Variants in VPS4B observed in about 807,000 individuals in gnomAD.
VPS4B encodes vacuolar protein sorting 4 homolog B.
Under a neutral mutation model 56.1 loss-of-function variants are expected in VPS4B, and 23 were observed. The observed-to-expected ratio is 0.41, with a 90% CI of 0.30 to 0.58. VPS4B has a LOEUF of 0.58. VPS4B is among the 20% of genes least tolerant of loss of function. VPS4B has a pLI of 0.29. For missense variants in VPS4B, 372 were observed against 531.9 expected, an observed-to-expected ratio of 0.70 and a Z score of 2.96; for synonymous variants, 177 against 186.0, an observed-to-expected ratio of 0.95 and a Z score of 0.39.
At chr18:63,418,653 G>A (rs897931082) in intron 1 of VPS4B, among the ~76,000 whole-genome samples, 5 of 152,118 alleles carry the variant, frequency 3.3e-5, no homozygotes, top group African/African-American at 1.2e-4. Context: ...TGCTGCCTCG[G>A]CCTCCCAAAA....
At chr18:63,407,029 T>C (rs1915933928) in intron 4 of VPS4B, among the ~76,000 whole-genome samples, 1 of 152,120 alleles carries the variant, frequency 6.6e-6, no homozygotes, top group Admixed American at 6.5e-5. Flanking sequence ...AAACCATCAA[T>C]AAGTGAGCTA....
chr18:63,393,523 A>C lies in VPS4B; in HGVS notation c.1119T>G (p.Pro373=). ...KKVRGPSRAD[P]NHLVDDLLTP... ...TTAGCAGATCATCTACAAGATGGTT[A>C]GGATCAGCTCGGGAAGGTCCGCGAA... is the stretch of plus-strand genomic sequence containing the variant. Residue 373 remains proline, a synonymous_variant, in exon 10 of 11, where the codon CCT becomes CCG. Coordinates refer to ENST00000238497, the MANE Select transcript of VPS4B (RefSeq NM_004869.4). 6.2e-7 allele frequency: 1 copy of C among 1,608,182 alleles called. No individual in the cohort carries two copies. Among genetic ancestry groups the C allele is most frequent in the Non-Finnish European group, 8.5e-7 (1 of 1,177,712 alleles).
chr18:63,419,100 C>T (rs1197186296), intron 1 of VPS4B, among the ~76,000 whole-genome samples: 1 of 152,152 alleles, frequency 6.6e-6, no homozygotes, highest in African/African-American at 2.4e-5. Context: ...TGGGAGAAAA[C>T]TCAGACTCTT....
At chr18:63,420,412 C>T (rs62099987) in intron 1 of VPS4B, among the ~76,000 whole-genome samples, 3,708 of 152,178 alleles carry the variant, frequency 0.024, 63 homozygotes, top group Non-Finnish European at 0.034. Flanking sequence ...CACGCCACTG[C>T]ACTCCAGTCT....
At position 63,410,741 on chromosome 18, in the gene VPS4B, C is replaced by G. The variant is rs141619088; in HGVS notation, c.140-295G>C. Among the ~76,000 whole-genome samples the G allele has an allele frequency of 5.3e-4, 81 of 152,284 alleles. 1 individual carries two copies. Among genetic ancestry groups the G allele is most frequent in the African/African-American group, 1.9e-3 (79 of 41,560 alleles). ...AATATTCTGAAGCTTTCATATTTTT[C>G]CCTTACATTTTTGCAGATAGTTCAA... On this transcript the variant is annotated intron_variant, in intron 2 of 10. Transcript: ENST00000238497.
In VPS4B at chr18:63,407,501, T is replaced by C. The variant is rs1470771267; in HGVS notation, c.297-2A>G. On this transcript the variant is annotated splice_acceptor_variant, in intron 3 of 10. Coordinates refer to ENST00000238497, the MANE Select transcript of VPS4B (RefSeq NM_004869.4). LOFTEE classifies it high-confidence loss of function. ...TCTCCTTCCCCATCACTGTCATTCC[T>C]AATAAAAAGAATTTAATATATTCAA... The C allele has an allele frequency of 6.2e-7, 1 of 1,601,244 alleles. No homozygotes were observed. Among genetic ancestry groups the C allele is most frequent in the Admixed American group, 1.7e-5 (1 of 57,680 alleles).
At chr18:63,401,490 G>A (rs1386319846) in intron 5 of VPS4B, among the ~76,000 whole-genome samples, 3 of 152,122 alleles carry the variant, frequency 2.0e-5, no homozygotes, top group Non-Finnish European at 4.4e-5. Context: ...CTGACCTCAG[G>A]TGATCTGCCC....
At chr18:63,404,235 C>T (rs373845588) in intron 4 of VPS4B, among the ~76,000 whole-genome samples, 4 of 152,086 alleles carry the variant, frequency 2.6e-5, no homozygotes, top group South Asian at 2.1e-4. Context: ...CTTGTTCTAC[C>T]ATTTCTCCTG....
At chr18:63,392,292 GATT>G (rs1915566759) in intron 10 of VPS4B, among the ~76,000 whole-genome samples, 1 of 152,104 alleles carries the variant, frequency 6.6e-6, no homozygotes, top group South Asian at 2.1e-4. Flanking sequence ...AAGTCTTGTA[GATT>G]ATTTTAATTC....
intron 1 of VPS4B, among the ~76,000 whole-genome samples, chr18:63,418,053 G>C (rs909945698): frequency 1.3e-5 from 2 of 152,154 alleles, no homozygotes; most frequent in African/African-American, 4.8e-5. Flanking sequence ...CTCCATCAAT[G>C]ACATGCCTAT....
chr18:63,417,450 G>A (rs1916193911), intron 1 of VPS4B, among the ~76,000 whole-genome samples: 1 of 151,654 alleles, frequency 6.6e-6, no homozygotes, highest in Non-Finnish European at 1.5e-5. Context: ...CCTCTGCTGA[G>A]CCCCCAACCA....
At chr18:63,392,508 G>T (rs1234180615) in intron 10 of VPS4B, among the ~76,000 whole-genome samples, 2 of 152,024 alleles carry the variant, frequency 1.3e-5, no homozygotes. Flanking sequence ...GAGTGCAGTG[G>T]TATGATCTCG....
At chr18:63,394,469 CT>C (rs554481058) in intron 9 of VPS4B, among the ~76,000 whole-genome samples, 381 of 142,874 alleles carry the variant, frequency 2.7e-3, no homozygotes, top group African/African-American at 3.7e-3. Context: ...GGAGGCACTT[CT>C]TTTTTTTTTT....
chr18:63,396,916 G>A (rs1915681836), intron 9 of VPS4B, 118 bp downstream of exon 9: 2 of 910,760 alleles, frequency 2.2e-6, no homozygotes, highest in African/African-American at 3.4e-5. Flanking sequence ...CTTGAACCCG[G>A]GAGGCGGAGG....
intron 4 of VPS4B, 98 bp from the exon 5 acceptor site, chr18:63,403,924 T>C (rs1314202203): frequency 1.4e-6 from 2 of 1,384,102 alleles, no homozygotes; most frequent in Non-Finnish European, 1.9e-6. Flanking sequence ...CATTATAAAA[T>C]TGGGAAAGTT....
In VPS4B at chr18:63,400,535, T is replaced by C. The variant is rs549540184; in HGVS notation, c.641+12A>G. The C allele has an allele frequency of 2.8e-5, 44 of 1,599,744 alleles. 1 individual carries two copies. In the South Asian group the frequency reaches 4.8e-4, roughly 17 times the overall value. Reference sequence around the variant, plus strand: ...CAAAGAAAAAACTTTAAAAAATTGATTTACTACTTACTTTTCACTTTCACC... The same window carrying C: ...CAAAGAAAAAACTTTAAAAAATTGACTTACTACTTACTTTTCACTTTCACC... On this transcript the variant is annotated intron_variant, in intron 6 of 10. Coordinates refer to ENST00000238497, the MANE Select transcript of VPS4B (RefSeq NM_004869.4).
rs1916326653 is a variant in VPS4B, at chr18:63,422,343, G to A, written c.-84C>T. 1 of 1,326,164 alleles carries A rather than the reference G, an allele frequency of 7.5e-7. No homozygotes were observed. The highest frequency in any genetic ancestry group is 9.9e-7 in the Non-Finnish European group (1 of 1,009,644). The allele number at this position is 1,326,164 out of a possible 1,614,324, so 82.1% of individuals were successfully genotyped here. A position where few individuals can be genotyped will look rare whatever the true frequency, so the allele number is the denominator to read the frequency against. ...ACGTCGAAGCGCGCACGGGGTAACA[G>A]CCCTCAAACTGGGGAGGCCGGTGGT... On this transcript the variant is annotated 5_prime_UTR_variant, in exon 1 of 11. Transcript: ENST00000238497.
Position 63,389,281 on chromosome 18 carries a change from G to T in VPS4B, c.*1694C>A, listed in dbSNP as rs1194013542. Reference sequence around the variant, plus strand: ...TTTACACAGAAGGTCCCAAAATAAAGAATAATACACAGAATACAGTCAATA... The same window carrying T: ...TTTACACAGAAGGTCCCAAAATAAATAATAATACACAGAATACAGTCAATA... On this transcript the variant is annotated 3_prime_UTR_variant, in exon 11 of 11. Coordinates refer to ENST00000238497, the MANE Select transcript of VPS4B (RefSeq NM_004869.4). The T allele has an allele frequency of 6.6e-6, 1 of 152,246 alleles. No homozygotes were observed. Among genetic ancestry groups the T allele is most frequent in the Non-Finnish European group, 1.5e-5 (1 of 67,994 alleles). The allele number at this position is 152,246 out of a possible 1,614,324, so 9.4% of individuals were successfully genotyped here.
intron 8 of VPS4B, among the ~76,000 whole-genome samples, chr18:63,398,190 T>TACACACAC (rs967159935): frequency 5.1e-4 from 68 of 132,628 alleles, no homozygotes; most frequent in Middle Eastern, 3.8e-3. Flanking sequence ...TATACATATA[T>TACACACAC]ACACACACAC....
Sources: gnomAD v4.1 joint callset for allele counts (sites outside exome capture counted in the v4.1 genomes callset) on GRCh38, gnomAD v4.1.1 for gene constraint, MANE v1.5 for transcripts, NCBI Gene and HGNC (gene_info 2026-07-23, HGNC 2026-07-21) for gene names.